The following TRMT9B variants were observed in gnomAD, a reference collection of about 807,000 sequenced individuals.
TRMT9B encodes the protein tRNA methyltransferase 9B (putative), also known as probable tRNA methyltransferase 9B.
A neutral mutation model predicts 11.5 loss-of-function variants in TRMT9B; 16 were observed. That is an observed-to-expected ratio of 1.39 (90% confidence interval 0.94 to 2.11). The LOEUF (loss-of-function observed/expected upper bound fraction) is 2.11, where lower values mean the gene tolerates loss of function less well. Among genes scored for constraint, TRMT9B ranks in the 30% most tolerant of loss-of-function variants. The pLI, the probability that TRMT9B is intolerant of heterozygous loss-of-function variation, is 0.00. For synonymous variants in TRMT9B, 274 were observed against 192.4 expected (o/e 1.42, Z -3.51); for missense variants, 941 against 553.8 (o/e 1.70, Z -7.02).
intron 1 of TRMT9B, among the ~76,000 whole-genome samples, chr8:12,980,685 A>G (rs1363402482): frequency 1.3e-5 from 2 of 152,196 alleles, no homozygotes; most frequent in Admixed American, 1.3e-4. Flanking sequence ...ACAGGAGACG[A>G]ATCCTACATG....
chr8:13,027,031 A>T lies in TRMT9B; in HGVS notation c.*4987A>T, dbSNP rs1814767644. On this transcript the variant is annotated 3_prime_UTR_variant, in exon 5 of 5. Transcript: ENST00000524591. ...CTTGGTTGCAAAATATTCTGGGACC[A>T]CTTTTCTCCAACTCTTCAACCTTTC... 6.0e-6 allele frequency: 1 copy of T among 167,058 alleles called. No individual in the cohort carries two copies. Among genetic ancestry groups the T allele is most frequent in the Non-Finnish European group, 1.5e-5 (1 of 68,110 alleles). The allele number at this position is 167,058 out of a possible 1,614,324, so 10.3% of individuals were successfully genotyped here.
intron 2 of TRMT9B, among the ~76,000 whole-genome samples, chr8:13,003,328 G>A (rs1410428672): frequency 2.0e-5 from 3 of 152,104 alleles, no homozygotes; most frequent in Non-Finnish European, 4.4e-5. Context: ...TCACTCACAT[G>A]CCAAAATAGA....
At chr8:12,976,817 A>C (rs1804531221) in intron 1 of TRMT9B, among the ~76,000 whole-genome samples, 1 of 152,152 alleles carries the variant, frequency 6.6e-6, no homozygotes, top group Non-Finnish European at 1.5e-5. Flanking sequence ...ACTTGGCATG[A>C]CTTTAAACCC....
chr8:12,955,934 T>C (rs1228979113), intron 1 of TRMT9B, among the ~76,000 whole-genome samples: 1 of 152,162 alleles, frequency 6.6e-6, no homozygotes, highest in African/African-American at 2.4e-5. Context: ...ACTGCTAACA[T>C]CAAGGGTGCA....
chr8:12,947,417 TAAA>T (rs1800319356), intron 1 of TRMT9B, among the ~76,000 whole-genome samples: 1 of 152,178 alleles, frequency 6.6e-6, no homozygotes, highest in South Asian at 2.1e-4. Flanking sequence ...GAAAAGTGGG[TAAA>T]AATACAGTAA....
chr8:12,984,630 G>A (rs1175286733), intron 1 of TRMT9B, among the ~76,000 whole-genome samples: 4 of 152,076 alleles, frequency 2.6e-5, no homozygotes, highest in South Asian at 2.1e-4. Context: ...CTTCTTCCAC[G>A]GTACTATTTT....
intron 1 of TRMT9B, among the ~76,000 whole-genome samples, chr8:12,946,880 T>C (rs1264130103): frequency 1.3e-5 from 2 of 152,338 alleles, no homozygotes; most frequent in African/African-American, 2.4e-5. Context: ...AAGTTCCCTA[T>C]GTACCTTGAG....
intron 2 of TRMT9B, among the ~76,000 whole-genome samples, chr8:12,996,809 GA>G (rs1167091160): frequency 6.6e-6 from 1 of 152,026 alleles, no homozygotes; most frequent in East Asian, 1.9e-4. Flanking sequence ...CCCAGATCAA[GA>G]AACAGAACAT....
intron 1 of TRMT9B, among the ~76,000 whole-genome samples, chr8:12,967,776 G>C (rs1019281859): frequency 6.6e-6 from 1 of 152,110 alleles, no homozygotes; most frequent in African/African-American, 2.4e-5. Context: ...GTGATCAGTG[G>C]GACAAAGCTT....
chr8:12,952,554 T>C lies in TRMT9B; in HGVS notation c.-200+6588T>C, dbSNP rs1005202449. ...CTAGTGCCTTAAGGGTTAAAGTGGA[T>C]TCGTATTTTTTCATGGAGTGCACGT... On this transcript the variant is annotated intron_variant, in intron 1 of 4. Coordinates refer to ENST00000524591, the MANE Select transcript of TRMT9B (RefSeq NM_020844.3). The C allele has an allele frequency of 2.8e-5, 7 of 250,458 alleles. No individual in the cohort carries two copies. The South Asian group carries it at 1.0e-3, about 38-fold the overall frequency. 15.5% of individuals were successfully genotyped at this position (250,458 alleles called of 1,614,324 possible).
chr8:13,010,627 T>C, intron 3 of TRMT9B: 2 of 985,214 alleles, frequency 2.0e-6, no homozygotes, highest in Non-Finnish European at 2.4e-6. Context: ...GTTTCCTTCT[T>C]ATTACAAAAT....
intron 1 of TRMT9B, among the ~76,000 whole-genome samples, chr8:12,967,049 T>C (rs965146226): frequency 6.6e-6 from 1 of 152,188 alleles, no homozygotes; most frequent in Non-Finnish European, 1.5e-5. Context: ...GGATAGGTAA[T>C]GACATCCTAG....
chr8:12,977,151 G>A (rs117881351), intron 1 of TRMT9B, among the ~76,000 whole-genome samples: 1,561 of 152,320 alleles, frequency 0.01, 9 homozygotes, highest in Non-Finnish European at 0.017. Context: ...CAGGTTGGAA[G>A]GTGACCCCAG....
rs1205241166 is a variant in TRMT9B at position 12,982,113 on chromosome 8, C to A, written c.-199-8721C>A. Among the ~76,000 whole-genome samples, 6 of 152,192 alleles carry A rather than the reference C, an allele frequency of 3.9e-5. No homozygotes were observed. The South Asian group carries it at 1.2e-3, about 31-fold the overall frequency. On this transcript the variant is annotated intron_variant, in intron 1 of 4. Coordinates refer to ENST00000524591, the MANE Select transcript of TRMT9B (RefSeq NM_020844.3). ...TATCTGTCTACATACCTCTCCATGT[C>A]TTTGCCCTCAAGTAAAAAATCAGCT... is the stretch of plus-strand genomic sequence containing the variant.
At chr8:13,015,145 T>C (rs981045074) in intron 4 of TRMT9B, among the ~76,000 whole-genome samples, 1 of 151,972 alleles carries the variant, frequency 6.6e-6, no homozygotes, top group Non-Finnish European at 1.5e-5. Flanking sequence ...TCTTCTTTTG[T>C]CTACACTCAT....
rs118087883 is a variant in TRMT9B, at chr8:13,022,944, C to T, written c.*900C>T. 0.05 allele frequency: 8,354 copies of T among 166,524 alleles called. 276 individuals are homozygous for T. Among genetic ancestry groups the T allele is most frequent in the South Asian group, 0.094 (452 of 4,798 alleles). 10.3% of individuals were successfully genotyped at this position (166,524 alleles called of 1,614,324 possible). Reference sequence around the variant, plus strand: ...GCTGCAGTGAACTATGATTGCATCACTGCACTGCAGCCTGGGCAACATAGC... The same window carrying T: ...GCTGCAGTGAACTATGATTGCATCATTGCACTGCAGCCTGGGCAACATAGC... On this transcript the variant is annotated 3_prime_UTR_variant, in exon 5 of 5. Transcript: ENST00000524591.
chr8:13,008,378 G>C (rs886560679), intron 3 of TRMT9B, among the ~76,000 whole-genome samples: 1 of 152,204 alleles, frequency 6.6e-6, no homozygotes, highest in Non-Finnish European at 1.5e-5. Flanking sequence ...GCCCTAAATA[G>C]ATTATGGAAA....
At chr8:12,996,464 C>T (rs959456382) in intron 2 of TRMT9B, among the ~76,000 whole-genome samples, 7 of 152,204 alleles carry the variant, frequency 4.6e-5, no homozygotes, top group Non-Finnish European at 1.0e-4. Context: ...ACTCTCTCAG[C>T]ACTTTCTGTA....
At chr8:12,996,277 A>G (rs1808319538) in intron 2 of TRMT9B, among the ~76,000 whole-genome samples, 1 of 152,156 alleles carries the variant, frequency 6.6e-6, no homozygotes, top group South Asian at 2.1e-4. Context: ...AGGTAGGTAA[A>G]ATGAATTTCC....
Sources: gnomAD v4.1 joint callset for allele counts (sites outside exome capture counted in the v4.1 genomes callset) on GRCh38, gnomAD v4.1.1 for gene constraint, MANE v1.5 for transcripts, NCBI Gene and HGNC (gene_info 2026-07-23, HGNC 2026-07-21) for gene names.